PRKACB: variants seen among roughly 807,000 people sequenced by gnomAD.
PRKACB encodes the protein protein kinase cAMP-activated catalytic subunit beta.
In PRKACB, 16 loss-of-function variants were observed where a neutral mutation model predicts 51.4. That is an observed-to-expected ratio of 0.31 (90% confidence interval 0.21 to 0.47). The LOEUF (loss-of-function observed/expected upper bound fraction) is 0.47, where lower values mean the gene tolerates loss of function less well. PRKACB is among the 20% of genes least tolerant of loss of function. PRKACB has a pLI of 1.00. For synonymous variants in PRKACB, 147 were observed against 154.4 expected (o/e 0.95, Z 0.35); for missense variants, 309 against 464.5 (o/e 0.67, Z 3.08).
At chr1:84,092,454 A>T (rs1335315134) in intron 1 of PRKACB, among the ~76,000 whole-genome samples, 3 of 152,328 alleles carry the variant, frequency 2.0e-5, no homozygotes, top group African/African-American at 7.2e-5. Flanking sequence ...GAGCTCTTAT[A>T]AATAATGCTT....
At chr1:84,209,390 C>T (rs113360802) in intron 8 of PRKACB, among the ~76,000 whole-genome samples, 36 of 152,226 alleles carry the variant, frequency 2.4e-4, no homozygotes, top group African/African-American at 6.7e-4. Context: ...CCCCCCTCCA[C>T]GAAGCCTTCC....
At chr1:84,100,766 TA>T (rs1195869737) in intron 1 of PRKACB, among the ~76,000 whole-genome samples, 1 of 152,192 alleles carries the variant, frequency 6.6e-6, no homozygotes, top group Non-Finnish European at 1.5e-5. Context: ...CAGGCACTGT[TA>T]TCAATCCTAT....
In PRKACB at chr1:84,197,821, C is replaced by G. The variant is rs142392871; in HGVS notation, c.780C>G (p.Ser260Arg). Residue 260 changes from serine to arginine, a missense_variant, in exon 7 of 10, where the codon AGC (serine) becomes AGG (arginine). Transcript: ENST00000370685. Reference protein sequence around the residue: ...PEYLAPEIILSKGYNKAVDWW... With the variant: ...PEYLAPEIILRKGYNKAVDWW... ...ATTTGGCTCCAGAAATAATTCTCAGCAAGGTATATTCATAATATCAACACA... is the reference window on the plus strand; with the variant it reads ...ATTTGGCTCCAGAAATAATTCTCAGGAAGGTATATTCATAATATCAACACA... 1.5e-5 allele frequency: 24 copies of G among 1,594,248 alleles called. No individual in the cohort carries two copies. Among genetic ancestry groups the G allele is most frequent in the East Asian group, 4.5e-5 (2 of 44,536 alleles).
chr1:84,230,559 C>T (rs1403848394), intron 9 of PRKACB, among the ~76,000 whole-genome samples: 5 of 152,134 alleles, frequency 3.3e-5, no homozygotes, highest in Admixed American at 2.0e-4. Context: ...TCTTCCTACC[C>T]ATGAGCATGG....
chr1:84,220,831 A>G (rs1246745241), intron 9 of PRKACB, among the ~76,000 whole-genome samples: 5 of 151,864 alleles, frequency 3.3e-5, no homozygotes, highest in African/African-American at 9.7e-5. Context: ...GTGTTGTTGG[A>G]TTTTTGTTAG....
intron 1 of PRKACB, among the ~76,000 whole-genome samples, chr1:84,148,677 G>A (rs1654447141): frequency 1.3e-5 from 2 of 152,092 alleles, no homozygotes; most frequent in Admixed American, 6.6e-5. Flanking sequence ...CCTGGCTCTA[G>A]TAAATACCAA....
At chr1:84,214,811 G>C (rs957563915) in intron 9 of PRKACB, among the ~76,000 whole-genome samples, 4 of 152,016 alleles carry the variant, frequency 2.6e-5, no homozygotes, top group Admixed American at 6.6e-5. Flanking sequence ...AGCTTAAAAA[G>C]AAAGCATATA....
At chr1:84,219,871 GT>G (rs1359505286) in intron 9 of PRKACB, among the ~76,000 whole-genome samples, 1 of 151,936 alleles carries the variant, frequency 6.6e-6, no homozygotes, top group Non-Finnish European at 1.5e-5. Context: ...ATATTTTGAA[GT>G]CAGGTAGTGT....
chr1:84,094,431 G>T (rs932912845), intron 1 of PRKACB, among the ~76,000 whole-genome samples: 9 of 151,766 alleles, frequency 5.9e-5, no homozygotes, highest in Non-Finnish European at 1.2e-4. Flanking sequence ...AGTGAATTTG[G>T]TTTGCTAAAA....
chr1:84,173,811 A>T (rs1012932493), intron 1 of PRKACB, among the ~76,000 whole-genome samples: 21 of 151,976 alleles, frequency 1.4e-4, no homozygotes, highest in African/African-American at 5.1e-4. Flanking sequence ...TCAGTAACAA[A>T]TTTTTAAACT....
Position 84,182,229 on chromosome 1 carries a change from G to GA in PRKACB, c.286dup (p.Thr96AsnfsTer19). 3.8e-6 allele frequency: 6 copies of GA among 1,587,992 alleles called. No homozygotes were observed. Among genetic ancestry groups the GA allele is most frequent in the African/African-American group, 1.4e-5 (1 of 74,036 alleles). ...ATGCCGGACTTGAAGATTTTGAAAGGAAAAAAACCCTTGGAACAGGTTCAT... is the reference window on the plus strand; with the variant it reads ...ATGCCGGACTTGAAGATTTTGAAAGGAAAAAAAACCCTTGGAACAGGTTCAT... On this transcript the variant is annotated frameshift_variant, in exon 3 of 10. Transcript: ENST00000370685. LOFTEE classifies it high-confidence loss of function.
intron 1 of PRKACB, among the ~76,000 whole-genome samples, chr1:84,158,080 T>A (rs538239703): frequency 6.6e-6 from 1 of 152,088 alleles, no homozygotes; most frequent in Non-Finnish European, 1.5e-5. Flanking sequence ...TTTCTTTTTT[T>A]TTTTTCCCCT....
At chr1:84,172,283 A>C (rs1226632921) in intron 1 of PRKACB, among the ~76,000 whole-genome samples, 1 of 151,734 alleles carries the variant, frequency 6.6e-6, no homozygotes, top group Non-Finnish European at 1.5e-5. Context: ...AAAATCCTTG[A>C]CATATGATTG....
intron 1 of PRKACB, among the ~76,000 whole-genome samples, chr1:84,119,357 C>T (rs1174226143): frequency 6.6e-6 from 1 of 152,084 alleles, no homozygotes; most frequent in Non-Finnish European, 1.5e-5. Context: ...ACCTGTCCAA[C>T]TATTAAAGAA....
intron 1 of PRKACB, among the ~76,000 whole-genome samples, chr1:84,111,476 A>G (rs1336416412): frequency 1.3e-5 from 2 of 152,158 alleles, no homozygotes; most frequent in African/African-American, 2.4e-5. Flanking sequence ...AATACCTTAT[A>G]TTAGTATGGA....
At chr1:84,152,559 G>A (rs1042462476) in intron 1 of PRKACB, among the ~76,000 whole-genome samples, 2 of 152,148 alleles carry the variant, frequency 1.3e-5, no homozygotes, top group African/African-American at 2.4e-5. Context: ...ATAACCTGGT[G>A]CAGCTTCTCC....
chr1:84,175,155 G>C (rs1378309201), intron 1 of PRKACB: 1 of 1,088,102 alleles, frequency 9.2e-7, no homozygotes. Context: ...ATATTTTTAA[G>C]TATATCAAGT....
At chr1:84,086,496 G>A (rs1266597315) in intron 1 of PRKACB, among the ~76,000 whole-genome samples, 1 of 152,160 alleles carries the variant, frequency 6.6e-6, no homozygotes, top group Non-Finnish European at 1.5e-5. Context: ...GCCCAGGCCA[G>A]CCCACAGCAC....
chr1:84,225,039 C>T (rs928349587), intron 9 of PRKACB, among the ~76,000 whole-genome samples: 15 of 152,144 alleles, frequency 9.9e-5, no homozygotes, highest in African/African-American at 3.6e-4. Context: ...CAGAGGGGGG[C>T]ACTCCCCAGG....
Sources: gnomAD v4.1 joint callset for allele counts (sites outside exome capture counted in the v4.1 genomes callset) on GRCh38, gnomAD v4.1.1 for gene constraint, MANE v1.5 for transcripts, NCBI Gene and HGNC (gene_info 2026-07-23, HGNC 2026-07-21) for gene names.